Variants in KLHL4 observed in about 807,000 individuals in gnomAD.
KLHL4 encodes the protein kelch like family member 4.
A neutral mutation model predicts 45.8 loss-of-function variants in KLHL4; 17 were observed. That is an observed-to-expected ratio of 0.37 (90% confidence interval 0.25 to 0.56). KLHL4 has a LOEUF of 0.56. Among genes scored for constraint, KLHL4 ranks in the 20% least tolerant of loss-of-function variants. KLHL4 has a pLI of 0.79. For missense variants in KLHL4, 544 were observed against 544.9 expected, an observed-to-expected ratio of 1.00 and a Z score of 0.02; for synonymous variants, 224 against 189.9, an observed-to-expected ratio of 1.18 and a Z score of -1.47.
chrX:87,558,461 G>A (rs1204315403), intron 1 of KLHL4, among the ~76,000 whole-genome samples: 2 of 111,151 alleles, frequency 1.8e-5, no homozygotes, highest in Non-Finnish European at 3.8e-5. Flanking sequence ...CATCTTATAT[G>A]GTAATGTATT....
At chrX:87,554,680 T>C (rs1024602080) in intron 1 of KLHL4, among the ~76,000 whole-genome samples, 1 of 108,269 alleles carries the variant, frequency 9.2e-6, no homozygotes, top group Non-Finnish European at 1.9e-5. Context: ...CAATTTGACT[T>C]CCTCTTTTCC....
intron 1 of KLHL4, among the ~76,000 whole-genome samples, chrX:87,536,874 G>A (rs6617403): frequency 0.26 from 28,932 of 110,566 alleles, 3,063 homozygotes; most frequent in East Asian, 0.52. Context: ...AACTGTATAG[G>A]TGGTTGATTA....
At chrX:87,542,581 G>A in intron 1 of KLHL4, among the ~76,000 whole-genome samples, 1 of 112,535 alleles carries the variant, frequency 8.9e-6, no homozygotes. Flanking sequence ...GGGTCATGTG[G>A]CCCCTTTGTT....
At chrX:87,568,383 C>CT (rs756469573) in intron 1 of KLHL4, among the ~76,000 whole-genome samples, 19 of 59,236 alleles carry the variant, frequency 3.2e-4, no homozygotes, top group East Asian at 1.8e-3. Context: ...TTTTTCTTTT[C>CT]TTTTTTTCTT....
intron 3 of KLHL4, among the ~76,000 whole-genome samples, chrX:87,616,433 G>T (rs527890486): frequency 1.1e-4 from 12 of 111,435 alleles, no homozygotes; most frequent in African/African-American, 3.2e-4. Context: ...TTAAAATCAG[G>T]AGTGAAATGG....
At chrX:87,555,130 T>C (rs1931940640) in intron 1 of KLHL4, among the ~76,000 whole-genome samples, 1 of 101,494 alleles carries the variant, frequency 9.9e-6, no homozygotes, top group Non-Finnish European at 2.0e-5. Flanking sequence ...CAGTATTTTA[T>C]TGAGGATTTT....
intron 1 of KLHL4, among the ~76,000 whole-genome samples, chrX:87,575,450 C>T (rs970217799): frequency 9.0e-6 from 1 of 111,723 alleles, no homozygotes; most frequent in South Asian, 3.7e-4. Context: ...TTGTCTTCCA[C>T]GAAACCAGTC....
intron 1 of KLHL4, among the ~76,000 whole-genome samples, chrX:87,564,545 A>C (rs777134094): frequency 9.0e-6 from 1 of 111,576 alleles, no homozygotes; most frequent in African/African-American, 3.2e-5. Context: ...TTATATTAAT[A>C]TCAGACAAAA....
At chrX:87,532,728 C>G (rs1392502317) in intron 1 of KLHL4, among the ~76,000 whole-genome samples, 50 of 106,890 alleles carry the variant, frequency 4.7e-4, no homozygotes, top group Non-Finnish European at 5.0e-4. Context: ...TGATTTGGCT[C>G]TCTGTTTGTC....
At chrX:87,585,005 G>T (rs1048476242) in intron 1 of KLHL4, among the ~76,000 whole-genome samples, 28 of 111,378 alleles carry the variant, frequency 2.5e-4, no homozygotes, top group African/African-American at 8.4e-4. Flanking sequence ...AACATTAAAT[G>T]AAGCTATAAT....
chrX:87,617,650 C>T (rs5924066), intron 3 of KLHL4, among the ~76,000 whole-genome samples: 41,269 of 110,314 alleles, frequency 0.37, 5,969 homozygotes, highest in Middle Eastern at 0.48. Flanking sequence ...TAAATGCAGG[C>T]CTAAGATGAT....
At chrX:87,637,468 G>C (rs755928773) in intron 9 of KLHL4, among the ~76,000 whole-genome samples, 1 of 111,455 alleles carries the variant, frequency 9.0e-6, no homozygotes, top group Admixed American at 9.6e-5. Flanking sequence ...ACCAGCAATG[G>C]ATCCAAACCA....
chrX:87,623,608 A>G (rs902309949), intron 5 of KLHL4, among the ~76,000 whole-genome samples: 13 of 111,294 alleles, frequency 1.2e-4, no homozygotes, highest in African/African-American at 3.6e-4. Context: ...TCCACATTTT[A>G]AAAACTTCCA....
intron 1 of KLHL4, among the ~76,000 whole-genome samples, chrX:87,529,615 G>A (rs1426908905): frequency 1.8e-5 from 2 of 111,396 alleles, no homozygotes; most frequent in Non-Finnish European, 3.8e-5. Flanking sequence ...GCCCTGCAGT[G>A]TAGACTGCAT....
At chrX:87,657,119 G>A (rs1924017518) in intron 9 of KLHL4, among the ~76,000 whole-genome samples, 1 of 112,128 alleles carries the variant, frequency 8.9e-6, no homozygotes, top group Admixed American at 9.4e-5. Flanking sequence ...AATGGATTTT[G>A]TATTGAGTTG....
At chrX:87,555,096 G>C (rs1931939718) in intron 1 of KLHL4, among the ~76,000 whole-genome samples, 1 of 98,765 alleles carries the variant, frequency 1.0e-5, no homozygotes, top group Non-Finnish European at 2.0e-5. Context: ...TAAGCTTTTT[G>C]ATGTGCTGCT....
chrX:87,541,064 T>A, intron 1 of KLHL4, among the ~76,000 whole-genome samples: 1 of 110,787 alleles, frequency 9.0e-6, no homozygotes, highest in Non-Finnish European at 1.9e-5. Context: ...CACCCAAATC[T>A]CACCTGGAAT....
intron 1 of KLHL4, among the ~76,000 whole-genome samples, chrX:87,574,535 C>G (rs1290895694): frequency 8.9e-6 from 1 of 111,790 alleles, no homozygotes; most frequent in Non-Finnish European, 1.9e-5. Flanking sequence ...TTATAATTAG[C>G]ATGCCATAGA....
At chrX:87,528,661 A>G (rs758195737) in intron 1 of KLHL4, among the ~76,000 whole-genome samples, 1 of 88,603 alleles carries the variant, frequency 1.1e-5, no homozygotes, top group South Asian at 6.7e-4. Flanking sequence ...GTTGCAGTTG[A>G]GCCAAGATTG....
Sources: gnomAD v4.1 joint callset for allele counts (sites outside exome capture counted in the v4.1 genomes callset) on GRCh38, gnomAD v4.1.1 for gene constraint, MANE v1.5 for transcripts, NCBI Gene and HGNC (gene_info 2026-07-23, HGNC 2026-07-21) for gene names.